KCNU1: variants seen among roughly 807,000 people sequenced by gnomAD.
KCNU1 encodes the protein potassium calcium-activated channel subfamily U member 1.
In KCNU1, 93 loss-of-function variants were observed where a neutral mutation model predicts 126.8. The observed-to-expected ratio is 0.73, with a 90% CI of 0.62 to 0.87. The LOEUF (loss-of-function observed/expected upper bound fraction) is 0.87. Ranked by LOEUF, KCNU1 falls within the 40% of genes least tolerant of loss-of-function variation. KCNU1 has a pLI of 0.00. For missense variants in KCNU1, 1,330 were observed against 1,367.1 expected (o/e 0.97, Z 0.43); for synonymous variants, 523 against 494.2 (o/e 1.06, Z -0.77).
chr8:36,841,330 C>A (rs1372122032), intron 16 of KCNU1, among the ~76,000 whole-genome samples: 1 of 152,088 alleles, frequency 6.6e-6, no homozygotes, highest in African/African-American at 2.4e-5. Flanking sequence ...CAGATCTTGA[C>A]CATGAAATAA....
chr8:36,805,163 A>T lies in KCNU1; in HGVS notation c.378-32A>T, dbSNP rs372618474. The T allele has an allele frequency of 2.8e-3, 4,180 of 1,512,148 alleles. 15 individuals are homozygous for T. Among genetic ancestry groups the T allele is most frequent in the Non-Finnish European group, 3.4e-3 (3,770 of 1,094,508 alleles). 93.7% of individuals were successfully genotyped at this position (1,512,148 alleles called of 1,614,324 possible). On this transcript the variant is annotated intron_variant, in intron 3 of 26. Coordinates refer to ENST00000399881, the MANE Select transcript of KCNU1 (RefSeq NM_001031836.3). ...TATAGACACCACTTTAAAAATGTTG[A>T]TCTTCACAAACTGTCCTTCTTTCTT...
Position 36,931,128 on chromosome 8 carries a change from A to C in KCNU1, c.2914A>C (p.Ile972Leu). The C allele has an allele frequency of 6.2e-7, 1 of 1,606,922 alleles. No individual in the cohort carries two copies. The highest frequency in any genetic ancestry group is 8.5e-7 in the Non-Finnish European group (1 of 1,176,910). ...KLGLLSLHET[I>L]LSDVNPRNTF... Reference sequence around the variant, plus strand: ...GGGGCTTCTGTCCTTACACGAAACCATTTTATCAGACGTTAATGTGAGTCT... The same window carrying C: ...GGGGCTTCTGTCCTTACACGAAACCCTTTTATCAGACGTTAATGTGAGTCT... The change falls in exon 25 of 27, where the codon ATT (isoleucine) becomes CTT (leucine). Residue 972 changes from isoleucine (I) to leucine (L), a missense_variant. Ile to Leu is a conservative substitution (Grantham distance 5). Transcript: ENST00000399881.
chr8:36,919,680 G>GTGCCA (rs1808268707), intron 23 of KCNU1, among the ~76,000 whole-genome samples: 1 of 152,212 alleles, frequency 6.6e-6, no homozygotes, highest in Non-Finnish European at 1.5e-5. Context: ...GAGGAGAACG[G>GTGCCA]TGCCACTAGC....
chr8:36,852,883 A>AT (rs918838274), intron 18 of KCNU1, among the ~76,000 whole-genome samples: 1 of 151,492 alleles, frequency 6.6e-6, no homozygotes, highest in African/African-American at 2.4e-5. Context: ...TTCTTAATGG[A>AT]TTTTTTTCTA....
At chr8:36,900,505 G>A (rs1233058816) in intron 19 of KCNU1, among the ~76,000 whole-genome samples, 1 of 151,966 alleles carries the variant, frequency 6.6e-6, no homozygotes, top group African/African-American at 2.4e-5. Context: ...TGTGGGAGGG[G>A]GTATGTGAGT....
chr8:36,934,821 T>C (rs1808805504), intron 26 of KCNU1, among the ~76,000 whole-genome samples: 2 of 152,158 alleles, frequency 1.3e-5, no homozygotes, highest in Non-Finnish European at 1.5e-5. Flanking sequence ...CTGCACTCAT[T>C]ACTTCAACTC....
intron 19 of KCNU1, among the ~76,000 whole-genome samples, chr8:36,896,391 A>G (rs1288679661): frequency 6.6e-6 from 1 of 152,082 alleles, no homozygotes; most frequent in Non-Finnish European, 1.5e-5. Context: ...TAATTTGATA[A>G]GAGCAATAAT....
chr8:36,832,911 A>C (rs914636034), intron 10 of KCNU1, among the ~76,000 whole-genome samples: 7 of 152,090 alleles, frequency 4.6e-5, no homozygotes, highest in African/African-American at 1.7e-4. Context: ...AATTTCTTCC[A>C]AGCTCATAAT....
chr8:36,796,741 C>G (rs1042306380), intron 2 of KCNU1, among the ~76,000 whole-genome samples: 1 of 152,168 alleles, frequency 6.6e-6, no homozygotes, highest in Non-Finnish European at 1.5e-5. Flanking sequence ...GCCCAGCTCT[C>G]TTTCAATCTT....
intron 18 of KCNU1, among the ~76,000 whole-genome samples, chr8:36,852,302 A>T (rs1391047139): frequency 6.6e-6 from 1 of 152,080 alleles, no homozygotes; most frequent in Non-Finnish European, 1.5e-5. Flanking sequence ...TTGAATCTAT[A>T]TTCAATACAA....
At position 36,923,119 on chromosome 8, in the gene KCNU1, G is replaced by A. The variant is rs905508634; in HGVS notation, c.2736+490G>A. On this transcript the variant is annotated intron_variant, in intron 24 of 26. Coordinates refer to ENST00000399881, the MANE Select transcript of KCNU1 (RefSeq NM_001031836.3). ...CATGGGGGGCATTCTTGACTACATG[G>A]TTATTCTTTAGTTTTCAGCACCTCT... 3 of 454,180 alleles carry A rather than the reference G, an allele frequency of 6.6e-6. No individual in the cohort carries two copies. In the Admixed American group the frequency reaches 7.1e-5, roughly 11 times the overall value. The allele number at this position is 454,180 out of a possible 1,614,324, so 28.1% of individuals were successfully genotyped here.
intron 24 of KCNU1, among the ~76,000 whole-genome samples, chr8:36,928,265 T>G (rs1039296752): frequency 6.6e-6 from 1 of 152,164 alleles, no homozygotes; most frequent in Non-Finnish European, 1.5e-5. Flanking sequence ...CATGTTTTCC[T>G]AGAGCTATTG....
At chr8:36,889,307 T>C (rs1309180686) in intron 19 of KCNU1, 4 of 522,848 alleles carry the variant, frequency 7.7e-6, no homozygotes, top group Admixed American at 6.0e-5. Context: ...TTAAAAGATG[T>C]TAAGAAATTT....
At chr8:36,832,257 C>T (rs943890933) in intron 10 of KCNU1, among the ~76,000 whole-genome samples, 1 of 151,938 alleles carries the variant, frequency 6.6e-6, no homozygotes, top group African/African-American at 2.4e-5. Context: ...TTTTTTGGTT[C>T]CATATGAACT....
At chr8:36,887,761 A>G (rs947741481) in intron 19 of KCNU1, among the ~76,000 whole-genome samples, 1 of 152,196 alleles carries the variant, frequency 6.6e-6, no homozygotes, top group African/African-American at 2.4e-5. Context: ...AGAAACAAAC[A>G]AAAAGCTTTG....
intron 7 of KCNU1, among the ~76,000 whole-genome samples, chr8:36,813,934 T>G (rs1338018921): frequency 7.9e-5 from 12 of 152,176 alleles, no homozygotes; most frequent in Non-Finnish European, 5.9e-5. Flanking sequence ...CAGAGGCATC[T>G]GTCCCCGGTG....
At chr8:36,827,778 G>A (rs1334026839) in intron 10 of KCNU1, among the ~76,000 whole-genome samples, 3 of 152,138 alleles carry the variant, frequency 2.0e-5, no homozygotes, top group Non-Finnish European at 4.4e-5. Flanking sequence ...AAAGGGGGAA[G>A]TTTCACTCAT....
intron 10 of KCNU1, among the ~76,000 whole-genome samples, chr8:36,820,517 A>G (rs981785732): frequency 3.9e-5 from 6 of 152,114 alleles, no homozygotes; most frequent in African/African-American, 1.4e-4. Context: ...AAGACAGGAA[A>G]TGTACCTAAT....
chr8:36,927,582 A>G (rs1362512786), intron 24 of KCNU1, among the ~76,000 whole-genome samples: 1 of 152,160 alleles, frequency 6.6e-6, no homozygotes, highest in East Asian at 1.9e-4. Flanking sequence ...TTCCTACCCT[A>G]TAATCTCACT....
Sources: allele counts gnomAD v4.1 joint callset (sites outside exome capture counted in the v4.1 genomes callset), GRCh38; gene constraint gnomAD v4.1.1; transcripts MANE v1.5; gene names NCBI Gene and HGNC (gene_info 2026-07-23, HGNC 2026-07-21).